The following ZNF385D variants were observed in gnomAD, a reference collection of about 807,000 sequenced individuals.
The protein encoded by ZNF385D is zinc finger protein 385D.
Under a neutral mutation model 35.8 loss-of-function variants are expected in ZNF385D, and 15 were observed. The observed-to-expected ratio is 0.42, with a 90% CI of 0.28 to 0.64. The LOEUF (loss-of-function observed/expected upper bound fraction) is 0.64. Among genes scored for constraint, ZNF385D ranks in the 30% least tolerant of loss-of-function variants. The probability of loss-of-function intolerance (pLI) is 0.23; values close to 1 mark genes in which losing one functional copy is unlikely to be tolerated. For synonymous variants in ZNF385D, 212 were observed against 186.8 expected, an observed-to-expected ratio of 1.13 and a Z score of -1.10; for missense variants, 474 against 494.6, an observed-to-expected ratio of 0.96 and a Z score of 0.39.
chr3:22,311,921 G>A (rs1484556512), intron 2 of ZNF385D, among the ~76,000 whole-genome samples: 5 of 152,088 alleles, frequency 3.3e-5, no homozygotes, highest in Non-Finnish European at 7.4e-5. Flanking sequence ...GATGAAGAAT[G>A]TTCAGTCTTC....
At chr3:21,484,806 T>C (rs1704910511) in intron 4 of ZNF385D, among the ~76,000 whole-genome samples, 1 of 152,150 alleles carries the variant, frequency 6.6e-6, no homozygotes, top group African/African-American at 2.4e-5. Context: ...TCTTCCAAGT[T>C]TAGAATATGA....
At chr3:21,511,159 G>A (rs1707173084) in intron 3 of ZNF385D, 136 bp from the exon 4 acceptor site, 1 of 1,035,444 alleles carries the variant, frequency 9.7e-7, no homozygotes, top group Non-Finnish European at 1.4e-6. Flanking sequence ...AGACAGTGGG[G>A]TTCTATTTAG....
rs2125349929 is a variant in ZNF385D, at chr3:22,264,171, T to C, written c.107-95136A>G. On this transcript the variant is annotated intron_variant, in intron 2 of 5. Coordinates refer to the ZNF385D transcript ENST00000494108. ...CTGTGAGGCATATATAAGATCAATT[T>C]GGACTAGGTCTTGGCAGAAATTCAG... 1.3e-5 allele frequency among the ~76,000 whole-genome samples: 2 copies of C among 152,148 alleles called. 1 individual carries two copies. Among genetic ancestry groups the C allele is most frequent in the African/African-American group, 4.8e-5 (2 of 41,560 alleles).
At chr3:21,491,599 T>C (rs1198410366) in intron 4 of ZNF385D, among the ~76,000 whole-genome samples, 2 of 152,170 alleles carry the variant, frequency 1.3e-5, no homozygotes, top group Non-Finnish European at 2.9e-5. Flanking sequence ...TGGAGGTATC[T>C]AAATTAGAGA....
intron 1 of ZNF385D, among the ~76,000 whole-genome samples, chr3:21,688,494 TATTC>T (rs2067180920): frequency 6.6e-6 from 1 of 152,170 alleles, no homozygotes; most frequent in African/African-American, 2.4e-5. Context: ...ATAATGACAT[TATTC>T]ATTAATTATC....
At chr3:21,703,929 C>T (rs1174387251) in intron 1 of ZNF385D, among the ~76,000 whole-genome samples, 1 of 152,196 alleles carries the variant, frequency 6.6e-6, no homozygotes, top group African/African-American at 2.4e-5. Context: ...GATCTTCGAA[C>T]ATGCCAAACT....
At chr3:21,815,196 G>A (rs1342157496) in intron 3 of ZNF385D, among the ~76,000 whole-genome samples, 2 of 152,056 alleles carry the variant, frequency 1.3e-5, no homozygotes, top group African/African-American at 2.4e-5. Flanking sequence ...GTGTAGAGGG[G>A]AATTTATGGC....
intron 2 of ZNF385D, among the ~76,000 whole-genome samples, chr3:22,324,235 C>T (rs1694572758): frequency 6.6e-6 from 1 of 151,976 alleles, no homozygotes; most frequent in African/African-American, 2.4e-5. Flanking sequence ...ATGTTCAGCA[C>T]ATTATAATAT....
At chr3:22,095,624 C>T (rs1289717257) in intron 3 of ZNF385D, among the ~76,000 whole-genome samples, 5 of 151,432 alleles carry the variant, frequency 3.3e-5, no homozygotes, top group African/African-American at 1.2e-4. Context: ...ATGACTTTTC[C>T]TGAGTGCAGT....
chr3:21,883,245 C>T (rs766794303), intron 3 of ZNF385D, among the ~76,000 whole-genome samples: 12 of 151,434 alleles, frequency 7.9e-5, no homozygotes, highest in Non-Finnish European at 1.3e-4. Flanking sequence ...AGAATTTGTG[C>T]CTAGGAAAAA....
rs552761256 is a variant in ZNF385D at position 22,097,904 on chromosome 3, A to G, written c.325+70913T>C. 2.6e-5 allele frequency among the ~76,000 whole-genome samples: 4 copies of G among 152,128 alleles called. 1 individual carries two copies. In the South Asian group the frequency reaches 8.3e-4, roughly 32 times the overall value. On this transcript the variant is annotated intron_variant, in intron 3 of 5. Transcript: ENST00000494108. ...AGTAATAATACCCCTAGCCCATAAG[A>G]ACCTAGAGACAGTGGCATTGTCATT...
chr3:21,608,386 A>C (rs1170978823), intron 2 of ZNF385D, among the ~76,000 whole-genome samples: 2 of 152,198 alleles, frequency 1.3e-5, no homozygotes, highest in African/African-American at 4.8e-5. Flanking sequence ...CTAAACCATA[A>C]GCATTAAGGT....
intron 1 of ZNF385D, among the ~76,000 whole-genome samples, chr3:21,703,630 C>G (rs182483388): frequency 6.6e-6 from 1 of 150,970 alleles, no homozygotes; most frequent in Non-Finnish European, 1.5e-5. Context: ...TTACTGCAAC[C>G]TTGTAAATAT....
intron 3 of ZNF385D, among the ~76,000 whole-genome samples, chr3:21,952,384 A>C (rs1459333190): frequency 6.6e-6 from 1 of 152,010 alleles, no homozygotes; most frequent in African/African-American, 2.4e-5. Context: ...AAAAGGCCTC[A>C]TTAGGAGAGG....
chr3:22,252,095 A>G (rs1700091191), intron 2 of ZNF385D, among the ~76,000 whole-genome samples: 1 of 152,112 alleles, frequency 6.6e-6, no homozygotes, highest in Non-Finnish European at 1.5e-5. Flanking sequence ...GGAGGATGAC[A>G]CATTTCCATA....
At chr3:22,080,967 T>G (rs1202915819) in intron 3 of ZNF385D, among the ~76,000 whole-genome samples, 1 of 152,214 alleles carries the variant, frequency 6.6e-6, no homozygotes, top group Non-Finnish European at 1.5e-5. Flanking sequence ...AACACATGTT[T>G]GTTGTTCATA....
intron 1 of ZNF385D, among the ~76,000 whole-genome samples, chr3:21,699,975 G>A (rs941310371): frequency 6.6e-6 from 1 of 151,770 alleles, no homozygotes; most frequent in Non-Finnish European, 1.5e-5. Context: ...GGGATTACAG[G>A]TGCATGCCAC....
chr3:21,760,909 T>A (rs2070578443), intron 3 of ZNF385D, among the ~76,000 whole-genome samples: 1 of 152,250 alleles, frequency 6.6e-6, no homozygotes, highest in African/African-American at 2.4e-5. Flanking sequence ...CATTTTTAAA[T>A]GTTATCCATA....
intron 3 of ZNF385D, among the ~76,000 whole-genome samples, chr3:22,043,824 GCTCT>G (rs144252594): frequency 1.3e-5 from 2 of 152,156 alleles, no homozygotes; most frequent in Admixed American, 6.5e-5. Context: ...AATCTTGCTT[GCTCT>G]CTCTCTGACT....
Sources: gnomAD v4.1 joint callset for allele counts (sites outside exome capture counted in the v4.1 genomes callset) on GRCh38, gnomAD v4.1.1 for gene constraint, MANE v1.5 for transcripts, NCBI Gene and HGNC (gene_info 2026-07-23, HGNC 2026-07-21) for gene names.